Variants in HS3ST5 observed in about 807,000 individuals in gnomAD.
The protein encoded by HS3ST5 is heparan sulfate glucosamine 3-O-sulfotransferase 5.
A neutral mutation model predicts 25.4 loss-of-function variants in HS3ST5; 10 were observed. That is an observed-to-expected ratio of 0.39 (90% CI 0.24 to 0.67). The LOEUF (loss-of-function observed/expected upper bound fraction) is 0.67, where lower values mean the gene tolerates loss of function less well. Among genes scored for constraint, HS3ST5 ranks in the 30% least tolerant of loss-of-function variants. The probability of loss-of-function intolerance (pLI) is 0.44; values close to 1 mark genes in which losing one functional copy is unlikely to be tolerated. For synonymous variants in HS3ST5, 170 were observed against 162.4 expected (o/e 1.05, Z -0.36); for missense variants, 324 against 420.7 (o/e 0.77, Z 2.01).
chr6:114,149,984 C>A (rs1245968230), intron 3 of HS3ST5, among the ~76,000 whole-genome samples: 1 of 152,054 alleles, frequency 6.6e-6, no homozygotes, highest in Non-Finnish European at 1.5e-5. Flanking sequence ...AACATTTAGC[C>A]AAAAGATAAG....
At chr6:114,077,450 A>T (rs946199882) in intron 3 of HS3ST5, among the ~76,000 whole-genome samples, 83 of 152,278 alleles carry the variant, frequency 5.5e-4, no homozygotes, top group African/African-American at 1.9e-3. Flanking sequence ...AGTAAATTTG[A>T]CCTGCTAGGG....
intron 3 of HS3ST5, among the ~76,000 whole-genome samples, chr6:114,152,634 C>T (rs749883321): frequency 2.6e-5 from 4 of 152,144 alleles, no homozygotes; most frequent in Non-Finnish European, 5.9e-5. Context: ...TCAGGAAAGT[C>T]GAGGCTAAAG....
In HS3ST5 at chr6:114,128,493, A is replaced by G. The variant is rs1186872405; in HGVS notation, c.-33+39858T>C. Among the ~76,000 whole-genome samples the G allele has an allele frequency of 7.2e-5, 11 of 152,306 alleles. No individual in the cohort carries two copies. The East Asian group carries it at 1.9e-3, about 27-fold the overall frequency. ...GGATATACGCAGGGATGAGCAAGCC[A>G]AAGTTCCTGCCTTCACGAATCTTAC... On this transcript the variant is annotated intron_variant, in intron 3 of 4. Coordinates refer to ENST00000312719, the MANE Select transcript of HS3ST5 (RefSeq NM_153612.4).
chr6:114,253,277 A>T (rs76037130), intron 1 of HS3ST5, among the ~76,000 whole-genome samples: 1,557 of 152,350 alleles, frequency 0.01, 21 homozygotes, highest in Non-Finnish European at 0.015. Context: ...TAATCATAAA[A>T]ATATTAATAA....
intron 1 of HS3ST5, among the ~76,000 whole-genome samples, chr6:114,268,435 C>T (rs956547039): frequency 1.7e-4 from 26 of 152,024 alleles, no homozygotes; most frequent in African/African-American, 6.3e-4. Context: ...CTAAGAGGGC[C>T]CTTACCTAGT....
chr6:114,077,548 T>G (rs1774208687), intron 3 of HS3ST5, among the ~76,000 whole-genome samples: 1 of 152,172 alleles, frequency 6.6e-6, no homozygotes, highest in Admixed American at 6.5e-5. Context: ...GTTAATTAAG[T>G]TAATATACAT....
chr6:114,131,468 T>A (rs141940404), intron 3 of HS3ST5, among the ~76,000 whole-genome samples: 6 of 152,172 alleles, frequency 3.9e-5, no homozygotes, highest in Admixed American at 2.6e-4. Context: ...TAAAAATACA[T>A]AGAATATTAG....
chr6:114,247,911 A>G (rs115123111), intron 1 of HS3ST5, among the ~76,000 whole-genome samples: 2,239 of 151,984 alleles, frequency 0.015, 55 homozygotes, highest in African/African-American at 0.052. Context: ...AAAAATAATA[A>G]TATATAAGCC....
intron 2 of HS3ST5, among the ~76,000 whole-genome samples, chr6:114,178,060 C>G (rs919941782): frequency 4.6e-5 from 7 of 152,090 alleles, no homozygotes; most frequent in Non-Finnish European, 7.4e-5. Flanking sequence ...TGCTAAAAGA[C>G]TTGCTCTTAA....
chr6:114,306,259 A>ATATG (rs1309800031), intron 1 of HS3ST5, among the ~76,000 whole-genome samples: 1 of 142,844 alleles, frequency 7.0e-6, no homozygotes, highest in Non-Finnish European at 1.5e-5. Context: ...ATATATATAC[A>ATATG]CACACACACA....
chr6:114,338,053 G>A (rs1330459690), intron 1 of HS3ST5, among the ~76,000 whole-genome samples: 1 of 151,814 alleles, frequency 6.6e-6, no homozygotes, highest in Non-Finnish European at 1.5e-5. Context: ...ACATTGTCAG[G>A]CACATAATAA....
chr6:114,074,889 C>T (rs1259097227), intron 3 of HS3ST5, among the ~76,000 whole-genome samples: 1 of 152,154 alleles, frequency 6.6e-6, no homozygotes, highest in Non-Finnish European at 1.5e-5. Context: ...TCTTAAATTG[C>T]AGTATTAAAA....
At chr6:114,105,754 A>G (rs968922069) in intron 3 of HS3ST5, among the ~76,000 whole-genome samples, 2 of 152,152 alleles carry the variant, frequency 1.3e-5, no homozygotes, top group Non-Finnish European at 2.9e-5. Context: ...TGTGTCAATA[A>G]ACGTTTCTAC....
intron 1 of HS3ST5, among the ~76,000 whole-genome samples, chr6:114,307,955 C>T (rs1248402659): frequency 6.6e-6 from 1 of 151,824 alleles, no homozygotes; most frequent in Non-Finnish European, 1.5e-5. Flanking sequence ...TAGTAAAATA[C>T]CTAATGAGTT....
At chr6:114,132,110 C>G (rs1056292597) in intron 3 of HS3ST5, 1 of 152,080 alleles carries the variant, frequency 6.6e-6, no homozygotes, top group Non-Finnish European at 1.5e-5. Flanking sequence ...TTCTCAAACA[C>G]AAACTGGTGC....
intron 3 of HS3ST5, among the ~76,000 whole-genome samples, chr6:114,094,435 A>G (rs1375462791): frequency 2.0e-5 from 3 of 152,210 alleles, no homozygotes; most frequent in Admixed American, 2.0e-4. Context: ...GAGATTTCTC[A>G]GAGGTATGTG....
At chr6:114,072,758 C>A (rs1773895903) in intron 3 of HS3ST5, among the ~76,000 whole-genome samples, 1 of 152,144 alleles carries the variant, frequency 6.6e-6, no homozygotes. Context: ...CATCAAGCTA[C>A]CAATAACTTT....
chr6:114,104,845 A>T (rs1443838178), intron 3 of HS3ST5, among the ~76,000 whole-genome samples: 1 of 152,182 alleles, frequency 6.6e-6, no homozygotes, highest in Non-Finnish European at 1.5e-5. Flanking sequence ...TGAACACCCA[A>T]ACCTCAATTT....
intron 1 of HS3ST5, among the ~76,000 whole-genome samples, chr6:114,332,044 A>G (rs1490529361): frequency 1.3e-5 from 2 of 152,120 alleles, no homozygotes; most frequent in Admixed American, 1.3e-4. Flanking sequence ...CTCATGGACT[A>G]TTACAGAACT....
Sources: allele counts gnomAD v4.1 joint callset (sites outside exome capture counted in the v4.1 genomes callset), GRCh38; gene constraint gnomAD v4.1.1; transcripts MANE v1.5; gene names NCBI Gene and HGNC (gene_info 2026-07-23, HGNC 2026-07-21).